ZBTB10: variants seen among roughly 807,000 people sequenced by gnomAD.
ZBTB10 encodes zinc finger and BTB domain containing 10, also known as zinc finger and BTB domain-containing protein 10.
In ZBTB10, 32 loss-of-function variants were observed where a neutral mutation model predicts 76.4. That is an observed-to-expected ratio of 0.42 (90% CI 0.32 to 0.56). The LOEUF is 0.56. Among genes scored for constraint, ZBTB10 ranks in the 20% least tolerant of loss-of-function variants. The probability of loss-of-function intolerance (pLI) is 0.14; values close to 1 mark genes in which losing one functional copy is unlikely to be tolerated. For missense variants in ZBTB10, 1,057 were observed against 1,098.5 expected (o/e 0.96, Z 0.53); for synonymous variants, 523 against 432.9 (o/e 1.21, Z -2.58).
upstream of ZBTB10, chr8:80,486,225 C>T (rs997542309): frequency 7.6e-6 from 8 of 1,058,406 alleles, no homozygotes; most frequent in Non-Finnish European, 9.1e-6. Flanking sequence ...GTCCGTTGTT[C>T]ATTTGCCATT....
chr8:80,499,283 C>G (rs866719605), intron 1 of ZBTB10, among the ~76,000 whole-genome samples: 25 of 151,594 alleles, frequency 1.6e-4, no homozygotes, highest in African/African-American at 5.8e-4. Flanking sequence ...AAAATGAAAC[C>G]CTGCTGATCT....
Position 80,500,067 on chromosome 8 carries a change from A to G in ZBTB10, c.1546A>G (p.Ile516Val), listed in dbSNP as rs779474238. Residue 516 changes from isoleucine to valine, a missense_variant, in exon 2 of 6, where the codon ATT (isoleucine) becomes GTT (valine). Around this residue, in one of 5 missense-constraint regions of ZBTB10, gnomAD observed 306 missense variants for 297.5 expected, o/e 1.03. Coordinates refer to ENST00000455036, the MANE Select transcript of ZBTB10 (RefSeq NM_001105539.3). ...TACCAATTTGGCAAGTAATGTAAAG[A>G]TTGAAAATGATGGTTGTAATGTCGA... ...NLTNLASNVK[I>V]ENDGCNVDEG... is the part of the protein sequence containing the mutation. 6.2e-6 allele frequency: 10 copies of G among 1,613,902 alleles called. No individual in the cohort carries two copies. Among genetic ancestry groups the G allele is most frequent in the Non-Finnish European group, 8.5e-6 (10 of 1,179,890 alleles).
intron 2 of ZBTB10, among the ~76,000 whole-genome samples, chr8:80,507,436 C>T (rs1028143632): frequency 1.3e-5 from 2 of 152,018 alleles, no homozygotes; most frequent in African/African-American, 4.8e-5. Flanking sequence ...CACAGTGAAA[C>T]CCCGTCTCTA....
chr8:80,518,392 A>G lies in ZBTB10; in HGVS notation c.1961-11A>G. The G allele has an allele frequency of 2.6e-6, 4 of 1,535,414 alleles. No individual in the cohort carries two copies. In the South Asian group the frequency reaches 5.0e-5, roughly 19 times the overall value. On this transcript the variant is annotated splice_polypyrimidine_tract_variant and intron_variant, in intron 3 of 5. Transcript: ENST00000455036. ...TTACCATTATTAATTCAGAATTTTTACTTGTACTAGGTACTTCACATGATT... is the reference window on the plus strand; with the variant it reads ...TTACCATTATTAATTCAGAATTTTTGCTTGTACTAGGTACTTCACATGATT...
chr8:80,505,024 G>A (rs752131281), intron 2 of ZBTB10, among the ~76,000 whole-genome samples: 6 of 152,102 alleles, frequency 3.9e-5, no homozygotes, highest in Non-Finnish European at 8.8e-5. Context: ...ATTTATACCT[G>A]TCATACTAGC....
At chr8:80,500,448 G>C in intron 2 of ZBTB10, 66 bp downstream of exon 2, 1 of 1,369,228 alleles carries the variant, frequency 7.3e-7, no homozygotes, top group Non-Finnish European at 9.6e-7. Flanking sequence ...TAATCTTGAA[G>C]TATATTTTTA....
chr8:80,501,574 T>C lies in ZBTB10; in HGVS notation c.1861+1192T>C, dbSNP rs530711562. On this transcript the variant is annotated intron_variant, in intron 2 of 5. Transcript: ENST00000455036. Reference sequence around the variant, plus strand: ...GTATTTTCTGTTAAAGGAATCACTGTTTTTAGTTGCCAGAGGGCAAAATGC... The same window carrying C: ...GTATTTTCTGTTAAAGGAATCACTGCTTTTAGTTGCCAGAGGGCAAAATGC... 1.1e-4 allele frequency among the ~76,000 whole-genome samples: 16 copies of C among 152,304 alleles called. No individual in the cohort carries two copies. In the South Asian group the frequency reaches 3.1e-3, roughly 30 times the overall value.
intron 2 of ZBTB10, among the ~76,000 whole-genome samples, chr8:80,512,415 C>G (rs1361556082): frequency 6.6e-6 from 1 of 152,158 alleles, no homozygotes; most frequent in Admixed American, 6.5e-5. Flanking sequence ...TCAGTATTCA[C>G]ATATGTAATT....
At chr8:80,518,276 T>C (rs1172040847) in intron 3 of ZBTB10, 127 bp from the exon 4 acceptor site, 1 of 910,574 alleles carries the variant, frequency 1.1e-6, no homozygotes, top group Admixed American at 3.4e-5. Flanking sequence ...AATACAGTTT[T>C]ATTTAACTCA....
chr8:80,487,142 G>A lies in ZBTB10; in HGVS notation c.332G>A (p.Gly111Glu). ...GGPTSLGGGA[G>E]GPLLAERNRR... ...CCCACCTCGCTTGGCGGTGGCGCGGGGGGCCCCCTGCTAGCGGAAAGGAAC... is the reference window on the plus strand; with the variant it reads ...CCCACCTCGCTTGGCGGTGGCGCGGAGGGCCCCCTGCTAGCGGAAAGGAAC... The change falls in exon 1 of 6, where the codon GGG becomes GAG. Residue 111 changes from glycine (G) to glutamate (E), a missense_variant. Gly to Glu is a moderately conservative substitution (Grantham distance 98). This residue lies in a region of ZBTB10 where 556 missense variants were observed against 451.7 expected (regional missense o/e 1.23). Transcript: ENST00000455036. 4 of 1,514,432 alleles carry A rather than the reference G, an allele frequency of 2.6e-6. No homozygotes were observed. The highest frequency in any genetic ancestry group is 3.5e-6 in the Non-Finnish European group (4 of 1,134,188). The allele number at this position is 1,514,432 out of a possible 1,614,324, so 93.8% of individuals were successfully genotyped here.
intron 2 of ZBTB10, among the ~76,000 whole-genome samples, chr8:80,507,050 C>G (rs1182268895): frequency 2.0e-5 from 3 of 152,178 alleles, no homozygotes; most frequent in African/African-American, 7.2e-5. Context: ...TGGCTCGCGC[C>G]TGTAATCCCA....
chr8:80,519,129 A>T (rs1466857954), intron 5 of ZBTB10, 94 bp from the exon 6 acceptor site: 10 of 1,426,838 alleles, frequency 7.0e-6, no homozygotes, highest in African/African-American at 4.3e-5. Flanking sequence ...TGGTGTATTC[A>T]CTCACTATTA....
chr8:80,518,502 T>C lies in ZBTB10; in HGVS notation c.2060T>C (p.Leu687Ser). 1 of 1,553,334 alleles carries C rather than the reference T, an allele frequency of 6.4e-7. No homozygotes were observed. The highest frequency in any genetic ancestry group is 8.7e-7 in the Non-Finnish European group (1 of 1,147,900). The change falls in exon 4 of 6, where the codon TTG becomes TCG. Residue 687 changes from leucine (L) to serine (S), a missense_variant. By Grantham distance (145) the Leu-to-Ser change is moderately radical. Transcript: ENST00000455036. The stretch of plus-strand genomic sequence containing the variant: ...ACTTCAAATGATTTCAAGTATGGAT[T>C]GATACCAGGTGCTTCAAATGATTTC... Reference protein sequence around the residue: ...PGTSNDFKYGLIPGASNDFKY... With the variant: ...PGTSNDFKYGSIPGASNDFKY...
In ZBTB10 at chr8:80,521,346, G is replaced by A. The variant is rs1816444769; in HGVS notation, c.*1818G>A. ...ACTTCTTAATGTTCTAGACAAATGA[G>A]TAAAATGTATTTCTGGTAGAAATTA... On this transcript the variant is annotated 3_prime_UTR_variant, in exon 6 of 6. Transcript: ENST00000455036. 1 of 151,804 alleles carries A rather than the reference G, an allele frequency of 6.6e-6. No homozygotes were observed. Among genetic ancestry groups the A allele is most frequent in the South Asian group, 2.1e-4 (1 of 4,820 alleles). 9.4% of individuals were successfully genotyped at this position (151,804 alleles called of 1,614,324 possible). A position where few individuals can be genotyped will look rare whatever the true frequency, so the allele number is the denominator to read the frequency against.
In ZBTB10 at chr8:80,506,255, T is replaced by C. The variant is rs527382839; in HGVS notation, c.1861+5873T>C. Among the ~76,000 whole-genome samples the C allele has an allele frequency of 5.3e-5, 8 of 152,282 alleles. No individual in the cohort carries two copies. The South Asian group carries it at 1.5e-3, about 28-fold the overall frequency. ...TTTTCTTAATCATTTTGGCAACAAA[T>C]CAGCTATTTATATTTTTTTACTTCC... On this transcript the variant is annotated intron_variant, in intron 2 of 5. Coordinates refer to ENST00000455036, the MANE Select transcript of ZBTB10 (RefSeq NM_001105539.3).
chr8:80,493,204 C>T (rs1009152612), intron 1 of ZBTB10, among the ~76,000 whole-genome samples: 55 of 115,790 alleles, frequency 4.7e-4, no homozygotes, highest in Admixed American at 1.5e-3. Flanking sequence ...CGCGCGCGCG[C>T]GCGCACACAC....
intron 4 of ZBTB10, 76 bp from the exon 5 acceptor site, chr8:80,518,706 T>G: frequency 6.7e-7 from 1 of 1,496,238 alleles, no homozygotes; most frequent in East Asian, 2.4e-5. Context: ...TTCTCAGAGA[T>G]AGAGATAAGA....
chr8:80,498,337 T>C (rs1403158360), intron 1 of ZBTB10, among the ~76,000 whole-genome samples: 1 of 152,268 alleles, frequency 6.6e-6, no homozygotes, highest in East Asian at 1.9e-4. Flanking sequence ...CATATGTGTA[T>C]ATATTTTATT....
chr8:80,519,069 T>C, intron 5 of ZBTB10, 115 bp downstream of exon 5: 2 of 1,419,224 alleles, frequency 1.4e-6, no homozygotes, highest in East Asian at 2.5e-5. Flanking sequence ...CCTAAATTGC[T>C]TTAAACAGTT....
Sources: gnomAD v4.1 joint callset for allele counts (sites outside exome capture counted in the v4.1 genomes callset) on GRCh38, gnomAD v4.1.1 for gene constraint, gnomAD v4.1.1 regional missense constraint, MANE v1.5 for transcripts, NCBI Gene and HGNC (gene_info 2026-07-23, HGNC 2026-07-21) for gene names.